Variants in GMPS observed in about 807,000 individuals in gnomAD.
GMPS encodes GMP synthase [glutamine-hydrolyzing].
A neutral mutation model predicts 77.9 loss-of-function variants in GMPS; 15 were observed. The ratio of observed to expected loss-of-function variants is 0.19; its 90% CI spans 0.13 to 0.30. The LOEUF (loss-of-function observed/expected upper bound fraction) is 0.30. GMPS is among the 10% of genes least tolerant of loss of function. The pLI, the probability that GMPS is intolerant of heterozygous loss-of-function variation, is 1.00. For synonymous variants in GMPS, 224 were observed against 275.9 expected, an observed-to-expected ratio of 0.81 and a Z score of 1.86; for missense variants, 590 against 838.8, an observed-to-expected ratio of 0.70 and a Z score of 3.66.
chr3:155,877,514 C>T (rs1754079843), intron 1 of GMPS, among the ~76,000 whole-genome samples: 1 of 152,096 alleles, frequency 6.6e-6, no homozygotes, highest in Non-Finnish European at 1.5e-5. Flanking sequence ...AAAAAAAAAC[C>T]TCTACCCTTC....
At chr3:155,872,739 T>C (rs1386819593) in intron 1 of GMPS, among the ~76,000 whole-genome samples, 1 of 152,218 alleles carries the variant, frequency 6.6e-6, no homozygotes, top group Non-Finnish European at 1.5e-5. Flanking sequence ...AGGTTCTTTA[T>C]GTTTTATAGC....
chr3:155,934,985 A>G lies in GMPS; in HGVS notation c.1746A>G (p.Thr582=). The change falls in exon 14 of 16, where the codon ACA becomes ACG. Residue 582 remains threonine (T), a synonymous_variant. Coordinates refer to ENST00000496455, the MANE Select transcript of GMPS (RefSeq NM_003875.3). Reference sequence around the variant, plus strand: ...ATGTTACTCCCACTTTCTTGACAACAGGGGTGCTCAGTACTTTACGCCAAG... The same window carrying G: ...ATGTTACTCCCACTTTCTTGACAACGGGGGTGCTCAGTACTTTACGCCAAG... The part of the protein sequence containing the change: ...PTDVTPTFLT[T]GVLSTLRQAD... 1 of 1,596,328 alleles carries G rather than the reference A, an allele frequency of 6.3e-7. No homozygotes were observed. Among genetic ancestry groups the G allele is most frequent in the Non-Finnish European group, 8.6e-7 (1 of 1,163,802 alleles).
Position 155,936,316 on chromosome 3 carries a change from T to C in GMPS, c.1808-22T>C, listed in dbSNP as rs1367663731. ...TGCTTTTCTATGGTGTGGTGATTGGTTCTACATATACCTTTCTCTAGGGTA... is the reference window on the plus strand; with the variant it reads ...TGCTTTTCTATGGTGTGGTGATTGGCTCTACATATACCTTTCTCTAGGGTA... On this transcript the variant is annotated intron_variant, in intron 14 of 15. Transcript: ENST00000496455. 6.5e-6 allele frequency: 10 copies of C among 1,543,518 alleles called. No homozygotes were observed. In the East Asian group the frequency reaches 1.6e-4, roughly 24 times the overall value.
intron 11 of GMPS, among the ~76,000 whole-genome samples, chr3:155,924,586 GAGCTGGGAGAAATCACC>G (rs1318729960): frequency 6.6e-6 from 1 of 152,222 alleles, no homozygotes; most frequent in East Asian, 1.9e-4. Flanking sequence ...GGAAATAAAT[GAGCTGGGAGAAATCACC>G]AGTTCAAAAG....
intron 1 of GMPS, among the ~76,000 whole-genome samples, chr3:155,871,240 C>T (rs1205695294): frequency 6.6e-6 from 1 of 151,970 alleles, no homozygotes; most frequent in Non-Finnish European, 1.5e-5. Context: ...GGCGAGCGGG[C>T]TTGTGTGTCT....
intron 12 of GMPS, among the ~76,000 whole-genome samples, chr3:155,929,665 G>C: frequency 7.4e-6 from 1 of 135,764 alleles, no homozygotes; most frequent in Non-Finnish European, 1.6e-5. Flanking sequence ...CTTCAGCAAA[G>C]TCTCAGGATA....
chr3:155,899,491 G>C (rs1400060797), intron 3 of GMPS, among the ~76,000 whole-genome samples: 1 of 148,870 alleles, frequency 6.7e-6, no homozygotes, highest in Non-Finnish European at 1.5e-5. Flanking sequence ...GCAAAATTAA[G>C]AAGGTATAGA....
At chr3:155,876,025 C>CA (rs924982308) in intron 1 of GMPS, among the ~76,000 whole-genome samples, 1 of 152,046 alleles carries the variant, frequency 6.6e-6, no homozygotes, top group Non-Finnish European at 1.5e-5. Flanking sequence ...ATATTACATA[C>CA]AAAAAAATTG....
At chr3:155,915,657 C>T (rs970601827) in intron 8 of GMPS, among the ~76,000 whole-genome samples, 4 of 152,244 alleles carry the variant, frequency 2.6e-5, no homozygotes, top group Middle Eastern at 3.4e-3. Context: ...GCCTTGCCTC[C>T]CAAAGTGCTG....
At chr3:155,920,341 C>T (rs1327319281) in intron 10 of GMPS, among the ~76,000 whole-genome samples, 1 of 152,058 alleles carries the variant, frequency 6.6e-6, no homozygotes, top group African/African-American at 2.4e-5. Flanking sequence ...TCTTTAGTCC[C>T]TAACCTGCAT....
At chr3:155,898,488 C>G (rs375792977) in intron 3 of GMPS, among the ~76,000 whole-genome samples, 1 of 152,172 alleles carries the variant, frequency 6.6e-6, no homozygotes, top group Non-Finnish European at 1.5e-5. Flanking sequence ...AACATTTACT[C>G]ATTGTTAGAA....
chr3:155,913,795 A>G (rs909912986), intron 7 of GMPS, among the ~76,000 whole-genome samples: 5 of 152,092 alleles, frequency 3.3e-5, no homozygotes, highest in Non-Finnish European at 7.3e-5. Context: ...TGCTGGTATT[A>G]CAGGTGTGAG....
chr3:155,888,816 C>A (rs911345427), intron 1 of GMPS, among the ~76,000 whole-genome samples: 1 of 151,940 alleles, frequency 6.6e-6, no homozygotes, highest in African/African-American at 2.4e-5. Context: ...AACTCCTGAC[C>A]TCAGATGCTT....
chr3:155,925,901 T>A (rs1755442374), intron 12 of GMPS, among the ~76,000 whole-genome samples: 1 of 152,186 alleles, frequency 6.6e-6, no homozygotes, highest in Non-Finnish European at 1.5e-5. Context: ...ATTCTACTGA[T>A]GTTGTGTTTA....
intron 1 of GMPS, among the ~76,000 whole-genome samples, chr3:155,888,919 TTA>T: frequency 6.6e-6 from 1 of 151,762 alleles, no homozygotes; most frequent in African/African-American, 2.4e-5. Context: ...CAGGATTTCT[TTA>T]TGTTACCCAG....
chr3:155,906,392 A>G, intron 5 of GMPS, 129 bp downstream of exon 5: 1 of 537,292 alleles, frequency 1.9e-6, no homozygotes, highest in Non-Finnish European at 3.3e-6. Flanking sequence ...TTTTTTAAAG[A>G]TAATAATGAA....
At chr3:155,891,052 A>G (rs1360465261) in intron 1 of GMPS, among the ~76,000 whole-genome samples, 1 of 152,192 alleles carries the variant, frequency 6.6e-6, no homozygotes, top group Non-Finnish European at 1.5e-5. Flanking sequence ...ACTGATCCTG[A>G]TGTTCATCTG....
At chr3:155,884,872 A>G (rs757320811) in intron 1 of GMPS, among the ~76,000 whole-genome samples, 10 of 152,180 alleles carry the variant, frequency 6.6e-5, no homozygotes, top group Non-Finnish European at 1.3e-4. Context: ...ATTGATTTAG[A>G]TAGTACATTC....
Position 155,941,397 on chromosome 3 carries a change from A to G in GMPS, c.*3705A>G, listed in dbSNP as rs71310456. On this transcript the variant is annotated 3_prime_UTR_variant, in exon 16 of 16. Coordinates refer to ENST00000496455, the MANE Select transcript of GMPS (RefSeq NM_003875.3). ...CCGGCCTGGTGAAAGAGCGAGACTC[A>G]GTCTCAAAAAAAAAAAAAAAAGGAA... The G allele has an allele frequency of 7.0e-6, 1 of 142,596 alleles. No homozygotes were observed. The highest frequency in any genetic ancestry group is 1.4e-5 in the Non-Finnish European group (1 of 71,988). The allele number at this position is 142,596 out of a possible 1,614,324, so 8.8% of individuals were successfully genotyped here. A position where few individuals can be genotyped will look rare whatever the true frequency, so the allele number is the denominator to read the frequency against.
Sources: gnomAD v4.1 joint callset for allele counts (sites outside exome capture counted in the v4.1 genomes callset) on GRCh38, gnomAD v4.1.1 for gene constraint, MANE v1.5 for transcripts, NCBI Gene and HGNC (gene_info 2026-07-23, HGNC 2026-07-21) for gene names.